Variants in PBX1 observed in about 807,000 individuals in gnomAD.
The protein encoded by PBX1 is PBX homeobox 1.
PBX1 carries 6 observed loss-of-function variants against 53.4 expected under a neutral mutation model. The ratio of observed to expected loss-of-function variants is 0.11; its 90% confidence interval spans 0.06 to 0.22. PBX1 has a LOEUF of 0.22. Ranked by LOEUF, PBX1 falls within the 10% of genes least tolerant of loss-of-function variation. The pLI is 1.00. For synonymous variants in PBX1, 204 were observed against 212.3 expected, an observed-to-expected ratio of 0.96 and a Z score of 0.34; for missense variants, 251 against 551.4, an observed-to-expected ratio of 0.46 and a Z score of 5.46.
intron 2 of PBX1, among the ~76,000 whole-genome samples, chr1:164,737,617 T>A (rs1471506381): frequency 6.6e-6 from 1 of 152,088 alleles, no homozygotes; most frequent in Non-Finnish European, 1.5e-5. Flanking sequence ...TAGCTGGGAC[T>A]ACAGGTGCAC....
At chr1:164,778,151 A>AT (rs1667758047) in intron 2 of PBX1, among the ~76,000 whole-genome samples, 2 of 152,202 alleles carry the variant, frequency 1.3e-5, no homozygotes, top group South Asian at 4.1e-4. Context: ...GATGCTGAAC[A>AT]TTAAGACCAA....
chr1:164,724,498 T>C (rs542716651), intron 2 of PBX1, among the ~76,000 whole-genome samples: 5 of 152,070 alleles, frequency 3.3e-5, no homozygotes, highest in Non-Finnish European at 5.9e-5. Context: ...AAAAATCTTA[T>C]AATGGTTTAA....
intron 2 of PBX1, among the ~76,000 whole-genome samples, chr1:164,589,267 GCA>G (rs946071945): frequency 5.3e-5 from 8 of 152,138 alleles, no homozygotes; most frequent in African/African-American, 9.6e-5. Context: ...GTTTCTGCAG[GCA>G]CACACACAGC....
At chr1:164,664,221 C>G (rs960793828) in intron 2 of PBX1, among the ~76,000 whole-genome samples, 3 of 152,226 alleles carry the variant, frequency 2.0e-5, no homozygotes, top group Non-Finnish European at 4.4e-5. Flanking sequence ...CTTTCCTTCT[C>G]ATTATGATCT....
At chr1:164,668,300 T>C (rs1007927191) in intron 2 of PBX1, among the ~76,000 whole-genome samples, 1 of 152,204 alleles carries the variant, frequency 6.6e-6, no homozygotes, top group Non-Finnish European at 1.5e-5. Context: ...TTATGCTTAA[T>C]GTTTCCCCAC....
At chr1:164,725,394 G>A (rs552955821) in intron 2 of PBX1, among the ~76,000 whole-genome samples, 115 of 152,268 alleles carry the variant, frequency 7.6e-4, no homozygotes, top group African/African-American at 2.6e-3. Context: ...CTAGGAGGAA[G>A]TTGTACCAGT....
intron 2 of PBX1, among the ~76,000 whole-genome samples, chr1:164,569,550 C>CTT (rs1002562641): frequency 9.0e-6 from 1 of 110,672 alleles, no homozygotes; most frequent in African/African-American, 3.4e-5. Context: ...GATTTGCTTT[C>CTT]TTTTTTTCCT....
At chr1:164,680,027 C>T (rs1661667189) in intron 2 of PBX1, 1 of 152,088 alleles carries the variant, frequency 6.6e-6, no homozygotes. Context: ...CAATTTCTTC[C>T]TTCCTAGCGA....
At chr1:164,587,775 G>A (rs1381087598) in intron 2 of PBX1, among the ~76,000 whole-genome samples, 2 of 152,216 alleles carry the variant, frequency 1.3e-5, no homozygotes, top group Admixed American at 6.5e-5. Context: ...GCAGCAGTCC[G>A]GCACATACAG....
chr1:164,593,160 G>C (rs1225955948), intron 2 of PBX1, among the ~76,000 whole-genome samples: 1 of 152,034 alleles, frequency 6.6e-6, no homozygotes, highest in Admixed American at 6.6e-5. Flanking sequence ...GTTTCGCCAT[G>C]TTGCCCAGAC....
chr1:164,769,589 G>A (rs1239906683), intron 2 of PBX1, among the ~76,000 whole-genome samples: 1 of 152,170 alleles, frequency 6.6e-6, no homozygotes, highest in African/African-American at 2.4e-5. Context: ...AAATGGGAAT[G>A]ACACCATCAT....
intron 2 of PBX1, among the ~76,000 whole-genome samples, chr1:164,695,630 A>C (rs1324936612): frequency 6.6e-6 from 1 of 152,214 alleles, no homozygotes; most frequent in African/African-American, 2.4e-5. Flanking sequence ...TGGTGTTTTT[A>C]GCATGTTCGT....
intron 2 of PBX1, among the ~76,000 whole-genome samples, chr1:164,594,862 C>A (rs1655651959): frequency 5.3e-5 from 8 of 152,182 alleles, no homozygotes; most frequent in Admixed American, 5.2e-4. Context: ...CAGCACAGAT[C>A]TACTCCAAAT....
In PBX1 at chr1:164,638,287, C is replaced by T. The variant is rs1463483081; in HGVS notation, c.265+74976C>T. Among the ~76,000 whole-genome samples, 2 of 152,200 alleles carry T rather than the reference C, an allele frequency of 1.3e-5. 1 individual carries two copies. The highest frequency in any genetic ancestry group is 4.8e-5 in the African/African-American group (2 of 41,448). On this transcript the variant is annotated intron_variant, in intron 2 of 8. Transcript: ENST00000420696. ...GATGGCTTCTATGGGTCGCTCTCTG[C>T]CCTAGCCATAGTGAGAGGTAGGAAA...
At chr1:164,569,624 T>C (rs1653698528) in intron 2 of PBX1, among the ~76,000 whole-genome samples, 1 of 128,546 alleles carries the variant, frequency 7.8e-6, no homozygotes, top group Non-Finnish European at 1.6e-5. Flanking sequence ...CAGGTTGGAG[T>C]GCAGTGGCGT....
intron 1 of PBX1, among the ~76,000 whole-genome samples, chr1:164,561,973 G>A (rs1371545461): frequency 1.3e-5 from 2 of 151,314 alleles, no homozygotes; most frequent in Admixed American, 6.6e-5. Context: ...TACCCCACAT[G>A]AGAACTTACT....
chr1:164,882,998 G>A (rs528076398), intron 2 of PBX1, among the ~76,000 whole-genome samples: 8 of 152,116 alleles, frequency 5.3e-5, no homozygotes, highest in South Asian at 2.1e-4. Flanking sequence ...AAAAGCTACC[G>A]AACTAAAGGA....
At chr1:164,655,331 T>C (rs917071540) in intron 2 of PBX1, among the ~76,000 whole-genome samples, 1 of 152,152 alleles carries the variant, frequency 6.6e-6, no homozygotes, top group Admixed American at 6.5e-5. Flanking sequence ...CAGACTGGTC[T>C]GGAACTCTCG....
In PBX1 at chr1:164,787,431, A is replaced by T. The variant is rs373912531; in HGVS notation, c.266-5063A>T. Among the ~76,000 whole-genome samples, 473 of 152,090 alleles carry T rather than the reference A, an allele frequency of 3.1e-3. 1 individual carries two copies. The highest frequency in any genetic ancestry group is 0.011 in the African/African-American group (463 of 41,470). On this transcript the variant is annotated intron_variant, in intron 2 of 8. Transcript: ENST00000420696. The stretch of plus-strand genomic sequence containing the variant: ...ATCTGAGCAGAGGCATTCCCCCAGC[A>T]TGAACCTGGACACTTGACTGTCCGC...
Sources: allele counts gnomAD v4.1 joint callset (sites outside exome capture counted in the v4.1 genomes callset), GRCh38; gene constraint gnomAD v4.1.1; transcripts MANE v1.5; gene names NCBI Gene and HGNC (gene_info 2026-07-23, HGNC 2026-07-21).